Variants in DUS1L observed in about 807,000 individuals in gnomAD.
The protein encoded by DUS1L is dihydrouridine synthase 1 like.
Under a neutral mutation model 61.2 loss-of-function variants are expected in DUS1L, and 56 were observed. That is an observed-to-expected ratio of 0.92 (90% CI 0.74 to 1.14). The LOEUF (loss-of-function observed/expected upper bound fraction) is 1.14, where lower values mean the gene tolerates loss of function less well. Among genes scored for constraint, DUS1L ranks in the 50% most tolerant of loss-of-function variants. DUS1L has a pLI of 0.00. For synonymous variants in DUS1L, 278 were observed against 259.5 expected (o/e 1.07, Z -0.69); for missense variants, 630 against 632.4 (o/e 1.00, Z 0.04).
At chr17:82,060,296 C>T (rs986419823) in intron 10 of DUS1L, 30 of 670,906 alleles carry the variant, frequency 4.5e-5, no homozygotes, top group Non-Finnish European at 6.2e-5. Flanking sequence ...GTCCGCAGCT[C>T]GGGCAGCCCC....
chr17:82,064,968 G>T lies in DUS1L; in HGVS notation c.92C>A (p.Ala31Asp). The change falls in exon 2 of 14, where the codon GCC (alanine) becomes GAC (aspartate). Residue 31 changes from alanine (A) to aspartate (D), a missense_variant. Physicochemically the swap from Ala to Asp is moderately radical, Grantham distance 126 (BLOSUM62 -2). Coordinates refer to ENST00000306796, the MANE Select transcript of DUS1L (RefSeq NM_022156.5). ...VAPMVDQSEL[A>D]WRLLSRRHGA... ...GTGGCGCCGGCTCAGCAGCCTCCAG[G>T]CCAGCTCGCTCTGGTCCACCATGGG... 6.2e-7 allele frequency: 1 copy of T among 1,612,392 alleles called. No individual in the cohort carries two copies. Among genetic ancestry groups the T allele is most frequent in the Non-Finnish European group, 8.5e-7 (1 of 1,179,754 alleles).
chr17:82,063,408 G>T, intron 4 of DUS1L, 60 bp downstream of exon 4: 1 of 1,608,268 alleles, frequency 6.2e-7, no homozygotes, highest in Non-Finnish European at 8.5e-7. Flanking sequence ...AGTGGACAGT[G>T]CCCATGTGTC....
intron 11 of DUS1L, chr17:82,059,495 C>T (rs1027770486): frequency 5.7e-6 from 1 of 175,712 alleles, no homozygotes; most frequent in Admixed American, 5.5e-5. Context: ...GGAGACAGCA[C>T]TAGGCTGAGG....
intron 2 of DUS1L, among the ~76,000 whole-genome samples, 179 bp from the exon 3 acceptor site, chr17:82,064,413 C>A (rs994880629): frequency 6.6e-6 from 1 of 152,190 alleles, no homozygotes; most frequent in Admixed American, 6.5e-5. Context: ...CCAAGCCACC[C>A]GGATTTACAG....
At chr17:82,064,413 C>T (rs994880629) in intron 2 of DUS1L, among the ~76,000 whole-genome samples, 179 bp from the exon 3 acceptor site, 1 of 152,190 alleles carries the variant, frequency 6.6e-6, no homozygotes, top group African/African-American at 2.4e-5. Context: ...CCAAGCCACC[C>T]GGATTTACAG....
intron 3 of DUS1L, 51 bp downstream of exon 3, chr17:82,064,075 G>T: frequency 6.5e-7 from 1 of 1,533,956 alleles, no homozygotes. Flanking sequence ...GCTGCACTGA[G>T]CTGGCTCTGG....
Position 82,060,119 on chromosome 17 carries a change from C to T in DUS1L, c.1023-26G>A, listed in dbSNP as rs758500277. The T allele has an allele frequency of 1.5e-5, 24 of 1,606,344 alleles. No individual in the cohort carries two copies. In the South Asian group the frequency reaches 2.2e-4, roughly 15 times the overall value. On this transcript the variant is annotated intron_variant, in intron 10 of 13. Transcript: ENST00000306796. ...CTGAGGGGAGGGCAGCGGGCAGAGCCCAAGGACACTGTGAGAGGGGCCCAG... is the reference window on the plus strand; with the variant it reads ...CTGAGGGGAGGGCAGCGGGCAGAGCTCAAGGACACTGTGAGAGGGGCCCAG...
At chr17:82,058,286 A>G (rs1253874009) in intron 13 of DUS1L, 32 bp from the exon 14 acceptor site, 1 of 1,546,066 alleles carries the variant, frequency 6.5e-7, no homozygotes, top group Non-Finnish European at 8.8e-7. Context: ...GTCGGGGGTC[A>G]GGAGGCGGAG....
intron 11 of DUS1L, 112 bp downstream of exon 11, chr17:82,059,836 C>G (rs2033379895): frequency 3.4e-6 from 5 of 1,490,516 alleles, no homozygotes; most frequent in Non-Finnish European, 9.2e-7. Context: ...CTGCTTCCAG[C>G]TCTGGGCCTT....
chr17:82,061,229 G>A lies in DUS1L; in HGVS notation c.822C>T (p.Leu274=), dbSNP rs1366038760. 1 of 1,596,964 alleles carries A rather than the reference G, an allele frequency of 6.3e-7. No homozygotes were observed. The highest frequency in any genetic ancestry group is 2.2e-5 in the East Asian group (1 of 44,540). Residue 274 remains leucine (L), a synonymous_variant, in exon 8 of 14, where the codon CTC becomes CTT. Coordinates refer to ENST00000306796, the MANE Select transcript of DUS1L (RefSeq NM_022156.5). The part of the protein sequence containing the change: ...PCPLSYVRAH[L]FKLWHHTLQV... Reference sequence around the variant, plus strand: ...CTCACGTGTGGTGCCACAGCTTGAAGAGGTGGGCCCGGACGTAGGACAGGG... The same window carrying A: ...CTCACGTGTGGTGCCACAGCTTGAAAAGGTGGGCCCGGACGTAGGACAGGG...
At chr17:82,061,516 C>G (rs894796557) in intron 7 of DUS1L, 102 bp downstream of exon 7, 1 of 1,436,310 alleles carries the variant, frequency 7.0e-7, no homozygotes, top group Non-Finnish European at 9.5e-7. Flanking sequence ...CATCTGTGAA[C>G]AGCACCATGG....
intron 11 of DUS1L, 35 bp downstream of exon 11, chr17:82,059,913 G>A (rs746638846): frequency 1.2e-6 from 2 of 1,612,206 alleles, no homozygotes. Context: ...TGATGAAGAG[G>A]CTCTCTCGGG....
In DUS1L at chr17:82,064,867, G is replaced by A; in HGVS notation, c.193C>T (p.Leu65=). The change falls in exon 2 of 14, where the codon CTG becomes TTG. Residue 65 remains leucine (L), a synonymous_variant. Transcript: ENST00000306796. ...TCCTCGGGGCACACCTCGCAGTACA[G>A]GTTCTCCTTCCGGTAGTTGGCGTCG... ...VRDANYRKEN[L]YCEVCPEDRP... 1 of 1,612,538 alleles carries A rather than the reference G, an allele frequency of 6.2e-7. No individual in the cohort carries two copies. Among genetic ancestry groups the A allele is most frequent in the South Asian group, 1.1e-5 (1 of 91,060 alleles).
rs562588083 is a variant in DUS1L, at chr17:82,060,645, A to G, written c.1022+56T>C. ...AGGGCAGGCGCAGCACTGTGGGCAC[A>G]GGGTGGAGCCCACACCTTGGTGCAC... On this transcript the variant is annotated intron_variant, in intron 10 of 13. Transcript: ENST00000306796. The G allele has an allele frequency of 2.9e-4, 464 of 1,575,336 alleles. 1 individual carries two copies. The East Asian group carries it at 0.01, about 35-fold the overall frequency.
At position 82,062,848 on chromosome 17, in the gene DUS1L, G is replaced by A. The variant is rs2033577012; in HGVS notation, c.510+13C>T. The A allele has an allele frequency of 6.2e-7, 1 of 1,608,856 alleles. No homozygotes were observed. Among genetic ancestry groups the A allele is most frequent in the South Asian group, 1.1e-5 (1 of 91,010 alleles). ...GCTGAGGCCCATGACACCCCCGCGA[G>A]CCCAGGGCTCACCTGGCAGCCGGCC... On this transcript the variant is annotated intron_variant, in intron 5 of 13. Transcript: ENST00000306796.
At chr17:82,059,767 A>G (rs2033373052) in intron 11 of DUS1L, 181 bp downstream of exon 11, 2 of 788,908 alleles carry the variant, frequency 2.5e-6, no homozygotes, top group Admixed American at 4.9e-5. Context: ...TGTGGCCTGC[A>G]CAGGGTCCCC....
chr17:82,064,694 T>C (rs1281978618), intron 2 of DUS1L, 129 bp downstream of exon 2: 1 of 947,954 alleles, frequency 1.1e-6, no homozygotes, highest in Admixed American at 2.8e-5. Context: ...CTTCTCCCTC[T>C]CCTCCTGGAA....
chr17:82,062,845 C>G lies in DUS1L; in HGVS notation c.510+16G>C, dbSNP rs776879303. 14 of 1,605,282 alleles carry G rather than the reference C, an allele frequency of 8.7e-6. No individual in the cohort carries two copies. The East Asian group carries it at 3.1e-4, about 36-fold the overall frequency. On this transcript the variant is annotated intron_variant, in intron 5 of 13. Transcript: ENST00000306796. ...CCAGCTGAGGCCCATGACACCCCCG[C>G]GAGCCCAGGGCTCACCTGGCAGCCG...
Position 82,061,242 on chromosome 17 carries a change from A to G in DUS1L, c.809T>C (p.Val270Ala), listed in dbSNP as rs1234485712. 3 of 1,607,372 alleles carry G rather than the reference A, an allele frequency of 1.9e-6. No individual in the cohort carries two copies. Among genetic ancestry groups the G allele is most frequent in the Non-Finnish European group, 2.5e-6 (3 of 1,176,814 alleles). ...VREHPCPLSY[V>A]RAHLFKLWHH... is the part of the protein sequence containing the mutation. ...CCACAGCTTGAAGAGGTGGGCCCGG[A>G]CGTAGGACAGGGGGCAGGGGTGCTC... is the stretch of plus-strand genomic sequence containing the variant. Residue 270 changes from valine to alanine, a missense_variant, in exon 8 of 14, where the codon GTC (valine) becomes GCC (alanine). By Grantham distance (64) the Val-to-Ala change is moderately conservative (BLOSUM62 0). Transcript: ENST00000306796.
Sources: allele counts gnomAD v4.1 joint callset (sites outside exome capture counted in the v4.1 genomes callset), GRCh38; gene constraint gnomAD v4.1.1; transcripts MANE v1.5; gene names NCBI Gene and HGNC (gene_info 2026-07-23, HGNC 2026-07-21).